Variants in ATP2A1 observed in about 807,000 individuals in gnomAD.
ATP2A1 encodes the protein ATPase sarcoplasmic/endoplasmic reticulum Ca2+ transporting 1, also known as sarcoplasmic/endoplasmic reticulum calcium ATPase 1.
A neutral mutation model predicts 109.5 loss-of-function variants in ATP2A1; 83 were observed. The observed-to-expected ratio is 0.76, with a 90% confidence interval of 0.63 to 0.91. The LOEUF is 0.91. Among genes scored for constraint, ATP2A1 ranks in the 40% least tolerant of loss-of-function variants. ATP2A1 has a pLI of 0.00. For missense variants in ATP2A1, 1,101 were observed against 1,341.0 expected (o/e 0.82, Z 2.80); for synonymous variants, 505 against 537.6 (o/e 0.94, Z 0.84).
chr16:28,885,627 C>G (rs1274473047), intron 6 of ATP2A1, among the ~76,000 whole-genome samples: 1 of 151,994 alleles, frequency 6.6e-6, no homozygotes, highest in African/African-American at 2.4e-5. Context: ...CAGGTGTGAG[C>G]CACCCACTGC....
At position 28,887,416 on chromosome 16, in the gene ATP2A1, C is replaced by G. The variant is rs1166354177; in HGVS notation, c.631-9C>G. 2 of 1,614,048 alleles carry G rather than the reference C, an allele frequency of 1.2e-6. No individual in the cohort carries two copies. Among genetic ancestry groups the G allele is most frequent in the Admixed American group, 3.3e-5 (2 of 60,008 alleles). ...TGCCTGATTCCCTGCCTCCTCTTTCCCTTCCCAGGGCACCAACATTGCAGC... is the reference window on the plus strand; with the variant it reads ...TGCCTGATTCCCTGCCTCCTCTTTCGCTTCCCAGGGCACCAACATTGCAGC... On this transcript the variant is annotated splice_polypyrimidine_tract_variant and intron_variant, in intron 7 of 22. Transcript: ENST00000395503.
At position 28,878,819 on chromosome 16, in the gene ATP2A1, A is replaced by T. The variant is rs765465333; in HGVS notation, c.118+30A>T. The T allele has an allele frequency of 1.9e-6, 3 of 1,603,684 alleles. No homozygotes were observed. In the East Asian group the frequency reaches 6.7e-5, roughly 36 times the overall value. On this transcript the variant is annotated intron_variant, in intron 1 of 22. Transcript: ENST00000395503. Reference sequence around the variant, plus strand: ...GTGTCCCTTGGAAGAGCGGCTGGTAATTAATGCCCTCCTGCACCCCCAAAA... The same window carrying T: ...GTGTCCCTTGGAAGAGCGGCTGGTATTTAATGCCCTCCTGCACCCCCAAAA...
rs944843325 is a variant in ATP2A1, at chr16:28,878,795, T to C, written c.118+6T>C. On this transcript the variant is annotated splice_donor_region_variant and intron_variant, in intron 1 of 22. Coordinates refer to ENST00000395503, the MANE Select transcript of ATP2A1 (RefSeq NM_004320.6). ...GGAGAAATACGGCCTCAATGGTAAGTGTCCCTTGGAAGAGCGGCTGGTAAT... is the reference window on the plus strand; with the variant it reads ...GGAGAAATACGGCCTCAATGGTAAGCGTCCCTTGGAAGAGCGGCTGGTAAT... 1.1e-5 allele frequency: 18 copies of C among 1,613,548 alleles called. No homozygotes were observed. The highest frequency in any genetic ancestry group is 1.5e-5 in the Non-Finnish European group (18 of 1,179,658).
chr16:28,878,900 G>A lies in ATP2A1; in HGVS notation c.118+111G>A. 2.2e-6 allele frequency: 3 copies of A among 1,385,178 alleles called. No individual in the cohort carries two copies. The Admixed American group carries it at 5.0e-5, about 23-fold the overall frequency. 85.8% of individuals were successfully genotyped at this position (1,385,178 alleles called of 1,614,324 possible). A position where few individuals can be genotyped will look rare whatever the true frequency, so the allele number is the denominator to read the frequency against. ...TTCAGGGTTTCTTAAGGAAGAGCTG[G>A]GCCGTTGTCCAATGCTCGCAGGGGG... On this transcript the variant is annotated intron_variant, in intron 1 of 22. Transcript: ENST00000395503.
chr16:28,896,995 G>A (rs1963936291), intron 12 of ATP2A1, among the ~76,000 whole-genome samples: 2 of 151,576 alleles, frequency 1.3e-5, no homozygotes, highest in Non-Finnish European at 2.9e-5. Context: ...GCAGGAGAAT[G>A]GCTTGAACCT....
In ATP2A1 at chr16:28,902,837, C is replaced by T. The variant is rs201014240; in HGVS notation, c.2670C>T (p.Val890=). The T allele has an allele frequency of 6.2e-6, 10 of 1,613,938 alleles. No individual in the cohort carries two copies. In the African/African-American group the frequency reaches 1.1e-4, roughly 17 times the overall value. Residue 890 remains valine, a synonymous_variant, in exon 19 of 23, where the codon GTC becomes GTT. Transcript: ENST00000395503. The surrounding 1 kb of genome is among the most constrained non-coding windows in gnomAD (Gnocchi z 4.8). ...NTHFEGIDCE[V]FEAPEPMTMA... ...ACTTTGAGGGCATAGACTGTGAGGT[C>T]TTCGAGGCCCCCGAGCCCATGACCA...
intron 2 of ATP2A1, 138 bp from the exon 3 acceptor site, chr16:28,879,363 T>C: frequency 1.1e-6 from 1 of 935,584 alleles, no homozygotes; most frequent in Non-Finnish European, 1.7e-6. Flanking sequence ...GCGAGCTTCT[T>C]AGCCCTTCTC....
Position 28,900,612 on chromosome 16 carries a change from T to C in ATP2A1, c.1796T>C (p.Met599Thr). The change falls in exon 15 of 23, where the codon ATG becomes ACG. Residue 599 changes from methionine to threonine, a missense_variant. Transcript: ENST00000395503. ...TDLTFVGVVG[M>T]LDPPRKEVTG... ...CTGACATTCGTGGGTGTAGTGGGCA[T>C]GCTGGACCCTCCGCGCAAGGAGGTC... 1 of 1,585,026 alleles carries C rather than the reference T, an allele frequency of 6.3e-7. No individual in the cohort carries two copies. The highest frequency in any genetic ancestry group is 8.6e-7 in the Non-Finnish European group (1 of 1,163,094).
intron 6 of ATP2A1, among the ~76,000 whole-genome samples, chr16:28,886,161 C>A (rs1963609056): frequency 6.6e-6 from 1 of 151,638 alleles, no homozygotes; most frequent in Non-Finnish European, 1.5e-5. Context: ...AGAGCAAGAC[C>A]CCATCTCTAT....
chr16:28,887,683 A>C lies in ATP2A1; in HGVS notation c.889A>C (p.Lys297Gln). The change falls in exon 8 of 23, where the codon AAG (lysine) becomes CAG (glutamine). Residue 297 changes from lysine to glutamine, a missense_variant. Lys to Gln is a moderately conservative substitution (Grantham distance 53). Transcript: ENST00000395503. ...GTTCCGCGGGGCCATCTACTACTTT[A>C]AGATTGCCGTGGCCTTGGCTGTGGC... Reference protein sequence around the residue: ...SWFRGAIYYFKIAVALAVAAI... With the variant: ...SWFRGAIYYFQIAVALAVAAI... 1.2e-6 allele frequency: 2 copies of C among 1,614,060 alleles called. No homozygotes were observed. Among genetic ancestry groups the C allele is most frequent in the Non-Finnish European group, 1.7e-6 (2 of 1,180,032 alleles).
intron 2 of ATP2A1, 108 bp downstream of exon 2, chr16:28,879,224 C>T: frequency 2.1e-5 from 29 of 1,400,846 alleles, no homozygotes; most frequent in Non-Finnish European, 2.9e-5. Context: ...TATCCCTTCC[C>T]AAAAGGCAAA....
chr16:28,880,335 G>T lies in ATP2A1; in HGVS notation c.220-580G>T, dbSNP rs1963429098. Reference sequence around the variant, plus strand: ...CCCTGTGCCTTGGTCTCCGAACGCAGGCCCCGTCGCGTTAAGCACAAGCTG... The same window carrying T: ...CCCTGTGCCTTGGTCTCCGAACGCATGCCCCGTCGCGTTAAGCACAAGCTG... On this transcript the variant is annotated intron_variant, in intron 3 of 22. Transcript: ENST00000395503. This position sits in a 1 kb window ranked among gnomAD's most constrained non-coding sequence, Gnocchi z 4.2. Among the ~76,000 whole-genome samples, 1 of 152,248 alleles carries T rather than the reference G, an allele frequency of 6.6e-6. No individual in the cohort carries two copies. The highest frequency in any genetic ancestry group is 6.5e-5 in the Admixed American group (1 of 15,288).
Position 28,883,533 on chromosome 16 carries a change from G to A in ATP2A1, c.463+944G>A, listed in dbSNP as rs1472209192. On this transcript the variant is annotated intron_variant, in intron 5 of 22. Transcript: ENST00000395503. This position sits in a 1 kb window ranked among gnomAD's most constrained non-coding sequence, Gnocchi z 5.2. ...AGGGATCCTTAGAAACAGAGGGAAA[G>A]GAAAGCGATTGGACCCTGTCCCCAG... 6.6e-6 allele frequency among the ~76,000 whole-genome samples: 1 copy of A among 152,188 alleles called. No individual in the cohort carries two copies. The highest frequency in any genetic ancestry group is 2.4e-5 in the African/African-American group (1 of 41,436).
chr16:28,900,928 C>T lies in ATP2A1; in HGVS notation c.2100+12C>T. 1 of 1,613,902 alleles carries T rather than the reference C, an allele frequency of 6.2e-7. No homozygotes were observed. The highest frequency in any genetic ancestry group is 8.5e-7 in the Non-Finnish European group (1 of 1,179,898). On this transcript the variant is annotated intron_variant, in intron 15 of 22. Coordinates refer to ENST00000395503, the MANE Select transcript of ATP2A1 (RefSeq NM_004320.6). Reference sequence around the variant, plus strand: ...AGATCACAGCCATGGTGAGAGGGCCCAGGCAGCTGCAGCCTTAGTGTCCAC... The same window carrying T: ...AGATCACAGCCATGGTGAGAGGGCCTAGGCAGCTGCAGCCTTAGTGTCCAC...
At chr16:28,891,154 G>A (rs1022867549) in intron 9 of ATP2A1, among the ~76,000 whole-genome samples, 1 of 151,690 alleles carries the variant, frequency 6.6e-6, no homozygotes, top group Admixed American at 6.6e-5. Flanking sequence ...AAATTAGTTG[G>A]GCGTGTTGGC....
intron 9 of ATP2A1, among the ~76,000 whole-genome samples, chr16:28,892,925 T>G (rs142968711): frequency 4.0e-5 from 6 of 151,774 alleles, no homozygotes; most frequent in Non-Finnish European, 7.4e-5. Context: ...ATGCCTGTAC[T>G]CCCAGCTACT....
At chr16:28,891,475 C>T (rs1490508704) in intron 9 of ATP2A1, among the ~76,000 whole-genome samples, 3 of 150,616 alleles carry the variant, frequency 2.0e-5, no homozygotes, top group Non-Finnish European at 4.4e-5. Context: ...TGCCTGTAGT[C>T]CCAGCTACTT....
intron 12 of ATP2A1, among the ~76,000 whole-genome samples, chr16:28,895,542 C>T (rs1008545043): frequency 2.6e-5 from 4 of 151,774 alleles, no homozygotes; most frequent in East Asian, 1.9e-4. Flanking sequence ...AACAAAAAAG[C>T]GGGCCAGACA....
chr16:28,888,716 T>C (rs1207393798), intron 8 of ATP2A1, 71 bp from the exon 9 acceptor site: 21 of 1,545,026 alleles, frequency 1.4e-5, no homozygotes, highest in Non-Finnish European at 7.1e-6. Flanking sequence ...GGGGCTACTA[T>C]TTAGCCCCTT....
Sources: allele counts gnomAD v4.1 joint callset (sites outside exome capture counted in the v4.1 genomes callset), GRCh38; gene constraint gnomAD v4.1.1; non-coding constraint Gnocchi (gnomAD v3.1); transcripts MANE v1.5; gene names NCBI Gene and HGNC (gene_info 2026-07-23, HGNC 2026-07-21).